The following SLC49A4 variants were observed in gnomAD, a reference collection of about 807,000 sequenced individuals.
The protein encoded by SLC49A4 is solute carrier family 49 member 4, also known as disrupted in renal cancer protein 2.
SLC49A4 carries 36 observed loss-of-function variants against 50.6 expected under a neutral mutation model. That is an observed-to-expected ratio of 0.71 (90% confidence interval 0.55 to 0.94). The LOEUF (loss-of-function observed/expected upper bound fraction) is 0.94, where lower values mean the gene tolerates loss of function less well. SLC49A4 is among the 40% of genes least tolerant of loss of function. SLC49A4 has a pLI of 0.00. For missense variants in SLC49A4, 503 were observed against 605.7 expected (o/e 0.83, Z 1.78); for synonymous variants, 248 against 241.2 (o/e 1.03, Z -0.26).
intron 2 of SLC49A4, among the ~76,000 whole-genome samples, chr3:122,810,225 G>A: frequency 6.6e-6 from 1 of 152,094 alleles, no homozygotes; most frequent in Admixed American, 6.5e-5. Flanking sequence ...CTTCCTAATG[G>A]TGTTCTACTT....
At chr3:122,825,715 G>GA (rs34626848) in intron 2 of SLC49A4, among the ~76,000 whole-genome samples, 88,657 of 151,226 alleles carry the variant, frequency 0.59, 26,675 homozygotes, top group Non-Finnish European at 0.66. Context: ...TTCATATCAT[G>GA]AAATGTCACA....
At chr3:122,846,830 G>A (rs908396719) in intron 5 of SLC49A4, among the ~76,000 whole-genome samples, 1 of 152,126 alleles carries the variant, frequency 6.6e-6, no homozygotes, top group Non-Finnish European at 1.5e-5. Flanking sequence ...TGAGTCTCTT[G>A]CCCACTATTG....
intron 2 of SLC49A4, among the ~76,000 whole-genome samples, chr3:122,821,319 T>C (rs1001406916): frequency 2.0e-5 from 3 of 152,074 alleles, no homozygotes; most frequent in South Asian, 2.1e-4. Flanking sequence ...GCTTCAGAAG[T>C]AGACAGAGGC....
In SLC49A4 at chr3:122,858,457, A is replaced by G. The variant is rs545855033; in HGVS notation, c.1011-1618A>G. Reference sequence around the variant, plus strand: ...GGATTTTCTTGAGGAATATTTTGTAAAGCTGTGGAAACTTTTTCAGCATAC... The same window carrying G: ...GGATTTTCTTGAGGAATATTTTGTAGAGCTGTGGAAACTTTTTCAGCATAC... On this transcript the variant is annotated intron_variant, in intron 6 of 8. Coordinates refer to ENST00000261038, the MANE Select transcript of SLC49A4 (RefSeq NM_032839.3). Among the ~76,000 whole-genome samples, 4 of 152,282 alleles carry G rather than the reference A, an allele frequency of 2.6e-5. No homozygotes were observed. In the South Asian group the frequency reaches 8.3e-4, roughly 32 times the overall value.
intron 4 of SLC49A4, among the ~76,000 whole-genome samples, chr3:122,837,363 A>G (rs1038405346): frequency 6.6e-6 from 1 of 152,148 alleles, no homozygotes; most frequent in Non-Finnish European, 1.5e-5. Context: ...CCAAACAGAG[A>G]TATAGACCAA....
intron 4 of SLC49A4, among the ~76,000 whole-genome samples, chr3:122,839,543 GA>G (rs542592443): frequency 8.8e-5 from 13 of 148,532 alleles, no homozygotes; most frequent in Admixed American, 2.0e-4. Flanking sequence ...AGATCAGCAA[GA>G]AAAAAAAAAT....
intron 7 of SLC49A4, among the ~76,000 whole-genome samples, chr3:122,867,711 G>A (rs1206657992): frequency 6.6e-6 from 1 of 152,252 alleles, no homozygotes; most frequent in Non-Finnish European, 1.5e-5. Context: ...GCTAGGCACG[G>A]TGGCTCACGC....
At chr3:122,855,275 CAGTG>C in intron 5 of SLC49A4, among the ~76,000 whole-genome samples, 1 of 152,076 alleles carries the variant, frequency 6.6e-6, no homozygotes, top group Non-Finnish European at 1.5e-5. Flanking sequence ...ATTCTGGCAA[CAGTG>C]AGCAAAATAG....
At chr3:122,845,670 G>T in intron 4 of SLC49A4, 93 bp from the exon 5 acceptor site, 4 of 244,224 alleles carry the variant, frequency 1.6e-5, no homozygotes, top group Non-Finnish European at 2.8e-5. Flanking sequence ...TGATTCTGGT[G>T]TTCCAGTTTC....
At chr3:122,876,370 G>C (rs561688345) in intron 8 of SLC49A4, among the ~76,000 whole-genome samples, 1 of 152,328 alleles carries the variant, frequency 6.6e-6, no homozygotes, top group Admixed American at 6.5e-5. Flanking sequence ...ATGTGAGGCT[G>C]TGTTGTCACT....
At chr3:122,826,553 A>C (rs1359123981) in intron 2 of SLC49A4, among the ~76,000 whole-genome samples, 2 of 152,194 alleles carry the variant, frequency 1.3e-5, no homozygotes, top group African/African-American at 2.4e-5. Context: ...TGTGGCACAA[A>C]TCATAGGTCA....
At chr3:122,807,526 G>A (rs544947017) in intron 2 of SLC49A4, among the ~76,000 whole-genome samples, 185 of 152,208 alleles carry the variant, frequency 1.2e-3, no homozygotes, top group African/African-American at 4.2e-3. Context: ...TTATTCTTAG[G>A]GAGTGTAAGG....
intron 2 of SLC49A4, among the ~76,000 whole-genome samples, chr3:122,821,040 A>T (rs1007958897): frequency 6.6e-6 from 1 of 152,070 alleles, no homozygotes; most frequent in African/African-American, 2.4e-5. Flanking sequence ...ATAGTGTGTG[A>T]GTGTCGTGAG....
intron 7 of SLC49A4, among the ~76,000 whole-genome samples, chr3:122,866,496 T>G (rs960186069): frequency 2.6e-5 from 4 of 152,152 alleles, no homozygotes; most frequent in Non-Finnish European, 5.9e-5. Flanking sequence ...TGTTCACCTG[T>G]CTACAACTTA....
chr3:122,872,976 T>C (rs1362298211), intron 8 of SLC49A4, among the ~76,000 whole-genome samples: 1 of 152,114 alleles, frequency 6.6e-6, no homozygotes. Flanking sequence ...ACTTCGAATC[T>C]CTCTTAACAC....
At chr3:122,823,584 C>T (rs1404756667) in intron 2 of SLC49A4, among the ~76,000 whole-genome samples, 1 of 152,142 alleles carries the variant, frequency 6.6e-6, no homozygotes, top group African/African-American at 2.4e-5. Flanking sequence ...ATGGTGACTA[C>T]TCAATATATG....
At chr3:122,875,673 A>G (rs549862758) in intron 8 of SLC49A4, among the ~76,000 whole-genome samples, 2 of 152,278 alleles carry the variant, frequency 1.3e-5, no homozygotes, top group Non-Finnish European at 2.9e-5. Flanking sequence ...ATTTTTAATC[A>G]TCATAAAGAT....
intron 1 of SLC49A4, among the ~76,000 whole-genome samples, chr3:122,798,785 G>A (rs560508961): frequency 3.3e-5 from 5 of 151,512 alleles, no homozygotes; most frequent in East Asian, 3.9e-4. Context: ...CTACAGGCAC[G>A]CACCACCAAG....
At chr3:122,850,498 C>G (rs1373766060) in intron 5 of SLC49A4, among the ~76,000 whole-genome samples, 8 of 149,858 alleles carry the variant, frequency 5.3e-5, no homozygotes, top group Non-Finnish European at 1.5e-5. Context: ...AATCTTTAAT[C>G]CATTTTGAGT....
Sources: gnomAD v4.1 joint callset for allele counts (sites outside exome capture counted in the v4.1 genomes callset) on GRCh38, gnomAD v4.1.1 for gene constraint, MANE v1.5 for transcripts, NCBI Gene and HGNC (gene_info 2026-07-23, HGNC 2026-07-21) for gene names.